Variants in KPNA6 observed in about 807,000 individuals in gnomAD.
The protein encoded by KPNA6 is karyopherin subunit alpha 6, also known as importin subunit alpha-7.
Under a neutral mutation model 72.0 loss-of-function variants are expected in KPNA6, and 9 were observed. The ratio of observed to expected loss-of-function variants is 0.13; its 90% CI spans 0.08 to 0.22. The LOEUF is 0.22. Among genes scored for constraint, KPNA6 ranks in the 10% least tolerant of loss-of-function variants. KPNA6 has a pLI of 1.00. For synonymous variants in KPNA6, 219 were observed against 242.1 expected (o/e 0.90, Z 0.89); for missense variants, 374 against 655.7 (o/e 0.57, Z 4.69).
chr1:32,110,843 G>A (rs1641233592), intron 1 of KPNA6, among the ~76,000 whole-genome samples: 1 of 152,184 alleles, frequency 6.6e-6, no homozygotes, highest in Non-Finnish European at 1.5e-5. Context: ...GTTGCAGTGA[G>A]CCGAGATCAT....
chr1:32,173,033 G>T lies in KPNA6; in HGVS notation c.*2139G>T. On this transcript the variant is annotated 3_prime_UTR_variant, in exon 14 of 14. Transcript: ENST00000373625. The stretch of plus-strand genomic sequence containing the variant: ...GTCCTTGAAAAATCCCACCCATGTT[G>T]TACCACCTTGGTGAGTCATATGCCA... The T allele has an allele frequency of 5.0e-6, 2 of 398,240 alleles. No homozygotes were observed. 24.7% of individuals were successfully genotyped at this position (398,240 alleles called of 1,614,324 possible).
At chr1:32,133,516 C>CAAAAAA (rs56850687) in intron 1 of KPNA6, among the ~76,000 whole-genome samples, 3 of 43,868 alleles carry the variant, frequency 6.8e-5, no homozygotes, top group Admixed American at 2.2e-4. Flanking sequence ...CTAGTCTCTA[C>CAAAAAA]AAAAAAAAAA....
chr1:32,138,134 C>CA (rs1192542076), intron 1 of KPNA6, among the ~76,000 whole-genome samples: 1,711 of 73,840 alleles, frequency 0.023, 27 homozygotes, highest in African/African-American at 0.065. Flanking sequence ...AAACTCTGTC[C>CA]AAAAAAAAAA....
chr1:32,165,920 C>A (rs1443711664), intron 10 of KPNA6, among the ~76,000 whole-genome samples, 185 bp from the exon 11 acceptor site: 1 of 151,120 alleles, frequency 6.6e-6, no homozygotes, highest in African/African-American at 2.4e-5. Flanking sequence ...ATCACTTGAA[C>A]CTGGGAGGCG....
intron 1 of KPNA6, among the ~76,000 whole-genome samples, chr1:32,120,052 A>G (rs547509367): frequency 1.2e-3 from 186 of 151,680 alleles, no homozygotes; most frequent in Non-Finnish European, 1.3e-3. Context: ...TTTAAATAAT[A>G]CTTACTGCTT....
In KPNA6 at chr1:32,112,634, A is replaced by G. The variant is rs552613319; in HGVS notation, c.4+4500A>G. On this transcript the variant is annotated intron_variant, in intron 1 of 13. Transcript: ENST00000373625. ...CAGCCTCCTGAGTAGCTGGGATTAC[A>G]GGTGCCCACCACCACACCCAGCTAA... Among the ~76,000 whole-genome samples the G allele has an allele frequency of 1.8e-4, 28 of 152,180 alleles. No individual in the cohort carries two copies. In the South Asian group the frequency reaches 4.8e-3, roughly 26 times the overall value.
At chr1:32,166,345 G>A in intron 11 of KPNA6, 115 bp downstream of exon 11, 1 of 1,268,892 alleles carries the variant, frequency 7.9e-7, no homozygotes, top group Middle Eastern at 2.0e-4. Flanking sequence ...GGAGTCAATT[G>A]GCCAGGCACG....
At position 32,174,638 on chromosome 1, in the gene KPNA6, C is replaced by T. The variant is rs1313975711; in HGVS notation, c.*3744C>T. The stretch of plus-strand genomic sequence containing the variant: ...CTTGAGCATTCTTCAGTAGATTCAT[C>T]TAGGGTTCAGATTCCAGACTCTCAG... On this transcript the variant is annotated 3_prime_UTR_variant, in exon 14 of 14. Coordinates refer to ENST00000373625, the MANE Select transcript of KPNA6 (RefSeq NM_012316.5). 6.6e-6 allele frequency: 1 copy of T among 152,186 alleles called. No individual in the cohort carries two copies. Among genetic ancestry groups the T allele is most frequent in the East Asian group, 1.9e-4 (1 of 5,192 alleles). 9.4% of individuals were successfully genotyped at this position (152,186 alleles called of 1,614,324 possible).
In KPNA6 at chr1:32,142,181, C is replaced by T. The variant is rs113010788; in HGVS notation, c.5-12407C>T. On this transcript the variant is annotated intron_variant, in intron 1 of 13. Coordinates refer to ENST00000373625, the MANE Select transcript of KPNA6 (RefSeq NM_012316.5). Reference sequence around the variant, plus strand: ...TGAGGCAGGAGGATCGCTTGAACCCCGGAGACAGAGGTTGCAGGGAGCTGA... The same window carrying T: ...TGAGGCAGGAGGATCGCTTGAACCCTGGAGACAGAGGTTGCAGGGAGCTGA... Among the ~76,000 whole-genome samples the T allele has an allele frequency of 2.7e-4, 40 of 147,950 alleles. 1 individual carries two copies. Among genetic ancestry groups the T allele is most frequent in the African/African-American group, 9.5e-4 (38 of 39,810 alleles).
Position 32,170,693 on chromosome 1 carries a change from T to TC in KPNA6, c.1424-13dup, listed in dbSNP as rs1642420538. The TC allele has an allele frequency of 1.2e-6, 2 of 1,609,826 alleles. No individual in the cohort carries two copies. The highest frequency in any genetic ancestry group is 1.7e-6 in the Non-Finnish European group (2 of 1,176,484). ...GCACTCACACTTCCCTCTCCTTCCTTCTTACTACTGTAGGCTTGGATAAAA... is the reference window on the plus strand; with the variant it reads ...GCACTCACACTTCCCTCTCCTTCCTTCCTTACTACTGTAGGCTTGGATAAAA... On this transcript the variant is annotated splice_polypyrimidine_tract_variant and intron_variant, in intron 13 of 13. Coordinates refer to ENST00000373625, the MANE Select transcript of KPNA6 (RefSeq NM_012316.5).
At chr1:32,113,898 A>G (rs1641282451) in intron 1 of KPNA6, among the ~76,000 whole-genome samples, 1 of 152,156 alleles carries the variant, frequency 6.6e-6, no homozygotes, top group Non-Finnish European at 1.5e-5. Flanking sequence ...TAGTTATCAC[A>G]TTTTCACTTC....
chr1:32,170,621 C>T, intron 13 of KPNA6, 86 bp from the exon 14 acceptor site: 2 of 1,120,022 alleles, frequency 1.8e-6, no homozygotes, highest in Admixed American at 3.7e-5. Flanking sequence ...CACTAACATA[C>T]CTCAGGGAAG....
intron 1 of KPNA6, among the ~76,000 whole-genome samples, chr1:32,139,568 G>C (rs1641802906): frequency 6.6e-6 from 1 of 152,190 alleles, no homozygotes; most frequent in African/African-American, 2.4e-5. Flanking sequence ...CAAGGGGTAA[G>C]GGTATGAGTT....
chr1:32,131,153 G>A (rs1379222266), intron 1 of KPNA6, among the ~76,000 whole-genome samples: 1 of 152,046 alleles, frequency 6.6e-6, no homozygotes, highest in Non-Finnish European at 1.5e-5. Context: ...AATTGGCCAG[G>A]CCTGGTGGCG....
chr1:32,157,791 C>CT (rs1335343424), intron 4 of KPNA6, among the ~76,000 whole-genome samples: 13 of 152,260 alleles, frequency 8.5e-5, no homozygotes, highest in African/African-American at 3.1e-4. Context: ...TATAAACTCT[C>CT]TGAGGGCAGA....
At chr1:32,159,928 A>G (rs1419859016) in intron 6 of KPNA6, among the ~76,000 whole-genome samples, 3 of 152,232 alleles carry the variant, frequency 2.0e-5, no homozygotes, top group Admixed American at 1.3e-4. Context: ...CATTTCTCCC[A>G]TTGAATTCTT....
At chr1:32,112,138 C>T (rs752188071) in intron 1 of KPNA6, among the ~76,000 whole-genome samples, 9 of 152,152 alleles carry the variant, frequency 5.9e-5, no homozygotes, top group Non-Finnish European at 8.8e-5. Flanking sequence ...GAGAAGCCTT[C>T]CTTATTTAAA....
At chr1:32,115,223 C>T (rs2124521032) in intron 1 of KPNA6, among the ~76,000 whole-genome samples, 1 of 151,870 alleles carries the variant, frequency 6.6e-6, no homozygotes, top group East Asian at 1.9e-4. Context: ...ACAAGCTCGG[C>T]CTCCCGGGTT....
chr1:32,114,466 A>G (rs1023903464), intron 1 of KPNA6, among the ~76,000 whole-genome samples: 2 of 150,316 alleles, frequency 1.3e-5, no homozygotes, highest in Non-Finnish European at 3.0e-5. Flanking sequence ...ATATATATAT[A>G]TATATATTCA....
Sources: allele counts gnomAD v4.1 joint callset (sites outside exome capture counted in the v4.1 genomes callset), GRCh38; gene constraint gnomAD v4.1.1; transcripts MANE v1.5; gene names NCBI Gene and HGNC (gene_info 2026-07-23, HGNC 2026-07-21).